Variants in ADGRL3 observed in about 807,000 individuals in gnomAD.
The protein encoded by ADGRL3 is calcium-independent alpha-latrotoxin receptor 3.
In ADGRL3, 62 loss-of-function variants were observed where a neutral mutation model predicts 153.5. The observed-to-expected ratio is 0.40, with a 90% CI of 0.33 to 0.50. ADGRL3 has a LOEUF of 0.50. Ranked by LOEUF, ADGRL3 falls within the 20% of genes least tolerant of loss-of-function variation. The probability of loss-of-function intolerance (pLI) is 0.47; values close to 1 mark genes in which losing one functional copy is unlikely to be tolerated. For missense variants in ADGRL3, 1,641 were observed against 1,859.4 expected (o/e 0.88, Z 2.16); for synonymous variants, 710 against 672.5 (o/e 1.06, Z -0.86).
rs1250626060 is a variant in ADGRL3, at chr4:61,957,521, CA to C, written c.2805+9246del. Among the ~76,000 whole-genome samples the C allele has an allele frequency of 3.3e-5, 5 of 150,558 alleles. No homozygotes were observed. In the East Asian group the frequency reaches 7.9e-4, roughly 24 times the overall value. On this transcript the variant is annotated intron_variant, in intron 17 of 26. Coordinates refer to ENST00000683033, the MANE Select transcript of ADGRL3 (RefSeq NM_001387552.1). ...AGGATTACTTATTAATTTAATGGTA[CA>C]TTTTTTTCTCTCTTGGTTACATTTA... is the stretch of plus-strand genomic sequence containing the variant.
chr4:61,903,429 G>A (rs1380815900), intron 11 of ADGRL3, among the ~76,000 whole-genome samples: 1 of 152,122 alleles, frequency 6.6e-6, no homozygotes, highest in Non-Finnish European at 1.5e-5. Flanking sequence ...GAGGGCAAGA[G>A]CTGTATAAGA....
At chr4:61,566,551 T>A (rs2149061470) in intron 4 of ADGRL3, among the ~76,000 whole-genome samples, 1 of 152,240 alleles carries the variant, frequency 6.6e-6, no homozygotes, top group East Asian at 1.9e-4. Context: ...AAGATATTTT[T>A]AAAATATCAA....
chr4:61,875,324 G>GAA (rs1446294626), intron 9 of ADGRL3, among the ~76,000 whole-genome samples: 1 of 152,032 alleles, frequency 6.6e-6, no homozygotes, highest in Non-Finnish European at 1.5e-5. Flanking sequence ...CTTGCATTTA[G>GAA]AATACATAAT....
intron 17 of ADGRL3, among the ~76,000 whole-genome samples, chr4:61,960,423 G>C (rs1267219334): frequency 6.6e-6 from 1 of 152,094 alleles, no homozygotes; most frequent in African/African-American, 2.4e-5. Context: ...AAGTAAGAGA[G>C]AGTATGTTAG....
At chr4:61,501,300 T>A (rs540269387) in intron 3 of ADGRL3, among the ~76,000 whole-genome samples, 2 of 152,314 alleles carry the variant, frequency 1.3e-5, no homozygotes, top group South Asian at 2.1e-4. Flanking sequence ...ATAATTTTTA[T>A]CTGTAAAAAT....
At chr4:61,647,489 C>A (rs1027440177) in intron 5 of ADGRL3, among the ~76,000 whole-genome samples, 1 of 152,032 alleles carries the variant, frequency 6.6e-6, no homozygotes, top group Non-Finnish European at 1.5e-5. Flanking sequence ...CTTTATGCTG[C>A]ATTGAAGTCT....
At chr4:61,753,235 A>G (rs2152077629) in intron 8 of ADGRL3, among the ~76,000 whole-genome samples, 1 of 152,144 alleles carries the variant, frequency 6.6e-6, no homozygotes, top group Non-Finnish European at 1.5e-5. Flanking sequence ...TGTGAAAAAA[A>G]AAAAAAAAAA....
intron 18 of ADGRL3, among the ~76,000 whole-genome samples, chr4:61,981,610 C>T (rs1190915635): frequency 3.9e-5 from 6 of 152,016 alleles, no homozygotes; most frequent in Admixed American, 2.6e-4. Context: ...TAGACAATAT[C>T]TTCATATATT....
At chr4:61,781,968 C>G (rs1033871334) in intron 8 of ADGRL3, among the ~76,000 whole-genome samples, 1 of 152,130 alleles carries the variant, frequency 6.6e-6, no homozygotes, top group African/African-American at 2.4e-5. Context: ...TTATCGAATA[C>G]TTAAATTTGT....
intron 2 of ADGRL3, among the ~76,000 whole-genome samples, chr4:61,473,527 C>G (rs2097997104): frequency 6.6e-6 from 1 of 151,752 alleles, no homozygotes. Context: ...TGTGTTTGGA[C>G]AAGTTTCTAA....
rs1029252136 is a variant in ADGRL3, at chr4:61,383,560, T to C, written c.-174+371T>C. Among the ~76,000 whole-genome samples the C allele has an allele frequency of 2.6e-5, 4 of 151,876 alleles. No individual in the cohort carries two copies. In the South Asian group the frequency reaches 6.2e-4, roughly 24 times the overall value. ...TCTTAACTAATGTAGAATAACCATA[T>C]TGAGTTTTTTTCAGTTGCTACATGT... On this transcript the variant is annotated intron_variant, in intron 2 of 26. Coordinates refer to ENST00000683033, the MANE Select transcript of ADGRL3 (RefSeq NM_001387552.1).
intron 5 of ADGRL3, among the ~76,000 whole-genome samples, chr4:61,621,483 A>C (rs1204303973): frequency 6.6e-6 from 1 of 152,114 alleles, no homozygotes; most frequent in Admixed American, 6.6e-5. Flanking sequence ...ATTGGTAAAA[A>C]CCTGAATGGA....
At chr4:61,769,261 G>C (rs543197282) in intron 8 of ADGRL3, among the ~76,000 whole-genome samples, 1 of 152,052 alleles carries the variant, frequency 6.6e-6, no homozygotes, top group African/African-American at 2.4e-5. Flanking sequence ...TGTCTCTTTT[G>C]TCTCTACCAG....
rs189301144 is a variant in ADGRL3, at chr4:61,814,504, A to C, written c.1480+615A>C. Reference sequence around the variant, plus strand: ...TCCTGCTTTTAAATAAATATTTACCAATGATTTTCAAAATGTTTCTTGTTC... The same window carrying C: ...TCCTGCTTTTAAATAAATATTTACCCATGATTTTCAAAATGTTTCTTGTTC... On this transcript the variant is annotated intron_variant, in intron 9 of 26. Transcript: ENST00000683033. Among the ~76,000 whole-genome samples the C allele has an allele frequency of 1.5e-3, 222 of 152,282 alleles. 1 individual carries two copies. The highest frequency in any genetic ancestry group is 2.4e-3 in the Non-Finnish European group (161 of 68,012).
chr4:61,790,170 A>G (rs925281205), intron 8 of ADGRL3, among the ~76,000 whole-genome samples: 2 of 152,156 alleles, frequency 1.3e-5, no homozygotes, highest in African/African-American at 2.4e-5. Flanking sequence ...TACCTGCCTC[A>G]TGTATTTCAT....
chr4:61,260,455 A>C (rs569570874), intron 1 of ADGRL3, among the ~76,000 whole-genome samples: 4 of 152,312 alleles, frequency 2.6e-5, no homozygotes, highest in Non-Finnish European at 2.9e-5. Context: ...GGTAAGAACA[A>C]AGGCTTTGGT....
intron 25 of ADGRL3, among the ~76,000 whole-genome samples, chr4:62,067,589 T>C (rs1743641312): frequency 6.6e-6 from 1 of 151,810 alleles, no homozygotes; most frequent in Admixed American, 6.6e-5. Context: ...TTAAAACTGA[T>C]CAAAAAATTC....
rs184678895 is a variant in ADGRL3, at chr4:61,575,001, A to C, written c.260-12226A>C. 1.2e-4 allele frequency among the ~76,000 whole-genome samples: 18 copies of C among 151,974 alleles called. No individual in the cohort carries two copies. In the East Asian group the frequency reaches 3.3e-3, roughly 28 times the overall value. On this transcript the variant is annotated intron_variant, in intron 4 of 26. Transcript: ENST00000683033. ...ATTATCTTTTACATCAATTGAATTA[A>C]AGAACTAAAAATCTCTTTAAAAATG...
chr4:61,954,599 C>T (rs750623200), intron 17 of ADGRL3, among the ~76,000 whole-genome samples: 5 of 151,968 alleles, frequency 3.3e-5, no homozygotes, highest in Non-Finnish European at 5.9e-5. Context: ...TAGCATCTCT[C>T]GACATCCTCT....
Sources: gnomAD v4.1 joint callset for allele counts (sites outside exome capture counted in the v4.1 genomes callset) on GRCh38, gnomAD v4.1.1 for gene constraint, MANE v1.5 for transcripts, NCBI Gene and HGNC (gene_info 2026-07-23, HGNC 2026-07-21) for gene names.